TMPRSS15: variants seen among roughly 807,000 people sequenced by gnomAD.
TMPRSS15 encodes enteropeptidase.
A neutral mutation model predicts 125.3 loss-of-function variants in TMPRSS15; 128 were observed. The ratio of observed to expected loss-of-function variants is 1.02; its 90% CI spans 0.89 to 1.18. The LOEUF (loss-of-function observed/expected upper bound fraction) is 1.18, where lower values mean the gene tolerates loss of function less well. Among genes scored for constraint, TMPRSS15 ranks in the 50% most tolerant of loss-of-function variants. The pLI is 0.00. For missense variants in TMPRSS15, 1,283 were observed against 1,212.7 expected (o/e 1.06, Z -0.86); for synonymous variants, 446 against 423.2 (o/e 1.05, Z -0.66).
At position 18,451,595 on chromosome 21, in the gene TMPRSS15, G is replaced by A. The variant is rs188810617; in HGVS notation, c.10+34204C>T. Among the ~76,000 whole-genome samples, 8 of 152,258 alleles carry A rather than the reference G, an allele frequency of 5.3e-5. No individual in the cohort carries two copies. The East Asian group carries it at 1.5e-3, about 29-fold the overall frequency. On this transcript the variant is annotated intron_variant, in intron 1 of 7. Transcript: ENST00000422787. ...ATAGAAGGGCAGAAGAGCCCTGTGT[G>A]CTTACATGAGCTCTGGTTTGTCTTT... is the stretch of plus-strand genomic sequence containing the variant.
At chr21:18,363,629 A>G (rs562844883) in intron 7 of TMPRSS15, among the ~76,000 whole-genome samples, 2 of 152,286 alleles carry the variant, frequency 1.3e-5, no homozygotes, top group Non-Finnish European at 2.9e-5. Flanking sequence ...GACATTTTAA[A>G]TAAGTGCTAG....
intron 8 of TMPRSS15, among the ~76,000 whole-genome samples, 198 bp from the exon 9 acceptor site, chr21:18,354,061 C>T (rs2075600605): frequency 6.6e-6 from 1 of 151,574 alleles, no homozygotes; most frequent in Non-Finnish European, 1.5e-5. Context: ...CATTAGAAAG[C>T]CTCAAATTAT....
chr21:18,472,689 C>T (rs1293364142), intron 1 of TMPRSS15, among the ~76,000 whole-genome samples: 2 of 151,592 alleles, frequency 1.3e-5, no homozygotes, highest in Non-Finnish European at 2.9e-5. Context: ...GAAATATTTG[C>T]CCGGTGATGC....
intron 1 of TMPRSS15, among the ~76,000 whole-genome samples, chr21:18,455,429 C>T (rs754588770): frequency 7.2e-5 from 11 of 152,006 alleles, no homozygotes; most frequent in Non-Finnish European, 1.3e-4. Flanking sequence ...GGTATTTTTT[C>T]ATCAACATTA....
chr21:18,336,008 A>G (rs1395629559), intron 13 of TMPRSS15, among the ~76,000 whole-genome samples: 6 of 151,258 alleles, frequency 4.0e-5, no homozygotes, highest in Non-Finnish European at 7.4e-5. Flanking sequence ...TACTATGCCA[A>G]TAGGGATTTC....
At chr21:18,396,366 A>G (rs2076035873) in intron 3 of TMPRSS15, among the ~76,000 whole-genome samples, 1 of 151,666 alleles carries the variant, frequency 6.6e-6, no homozygotes, top group African/African-American at 2.4e-5. Flanking sequence ...ATTCCCCAAC[A>G]CCTACTAGCT....
At chr21:18,409,148 T>A (rs2076159502) in intron 1 of TMPRSS15, among the ~76,000 whole-genome samples, 1 of 151,982 alleles carries the variant, frequency 6.6e-6, no homozygotes, top group Admixed American at 6.6e-5. Flanking sequence ...AAGATTTTTT[T>A]AATAGTGTGT....
At chr21:18,406,090 A>T (rs1388915874), upstream of TMPRSS15, among the ~76,000 whole-genome samples, 1 of 152,146 alleles carries the variant, frequency 6.6e-6, no homozygotes, top group Admixed American at 6.6e-5. Flanking sequence ...CAGTCCAGAA[A>T]ACCTCCATGA....
intron 1 of TMPRSS15, among the ~76,000 whole-genome samples, chr21:18,416,039 T>G (rs2076179232): frequency 6.6e-6 from 1 of 151,934 alleles, no homozygotes. Context: ...TAAAAAACAA[T>G]TCCATTTACA....
At chr21:18,294,835 T>C (rs145516693) in intron 19 of TMPRSS15, among the ~76,000 whole-genome samples, 183 bp from the exon 20 acceptor site, 2 of 152,298 alleles carry the variant, frequency 1.3e-5, no homozygotes, top group Non-Finnish European at 2.9e-5. Flanking sequence ...AGAGGTGAGT[T>C]TGCATCCTTA....
intron 16 of TMPRSS15, among the ~76,000 whole-genome samples, chr21:18,317,621 C>T (rs1170901229): frequency 6.6e-6 from 1 of 152,020 alleles, no homozygotes; most frequent in Non-Finnish European, 1.5e-5. Context: ...AGTGTAAGGG[C>T]TTTCAGATTT....
At chr21:18,396,618 C>T (rs559507101) in intron 3 of TMPRSS15, among the ~76,000 whole-genome samples, 86 of 151,784 alleles carry the variant, frequency 5.7e-4, no homozygotes, top group Non-Finnish European at 1.0e-3. Context: ...ACTAAAAATA[C>T]AAAAAATTAG....
At chr21:18,465,756 A>G (rs940652996) in intron 1 of TMPRSS15, among the ~76,000 whole-genome samples, 5 of 152,328 alleles carry the variant, frequency 3.3e-5, no homozygotes, top group African/African-American at 1.2e-4. Flanking sequence ...TTAAGGAAAT[A>G]AGAGAGGACA....
intron 1 of TMPRSS15, among the ~76,000 whole-genome samples, chr21:18,400,418 T>G (rs1245145263): frequency 1.3e-5 from 2 of 151,924 alleles, no homozygotes; most frequent in African/African-American, 4.8e-5. Context: ...CACAGTAAAG[T>G]AAAGCTACAC....
Position 18,326,495 on chromosome 21 carries a change from C to A in TMPRSS15, c.1858G>T (p.Asp620Tyr). ...NRMTVLLITN[D>Y]VLARGGFKAN... Reference sequence around the variant, plus strand: ...TTAAACCCTCCTCTTGCCAACACATCGTTAGTGATGAGAAGCACAGTCATT... The same window carrying A: ...TTAAACCCTCCTCTTGCCAACACATAGTTAGTGATGAGAAGCACAGTCATT... Residue 620 changes from aspartate to tyrosine, a missense_variant, in exon 16 of 25, where the codon GAT (aspartate) becomes TAT (tyrosine). Transcript: ENST00000284885. 6.2e-7 allele frequency: 1 copy of A among 1,614,130 alleles called. No homozygotes were observed. Among genetic ancestry groups the A allele is most frequent in the Non-Finnish European group, 8.5e-7 (1 of 1,179,990 alleles).
chr21:18,277,900 A>G (rs1038941539), intron 23 of TMPRSS15, among the ~76,000 whole-genome samples: 1 of 152,332 alleles, frequency 6.6e-6, no homozygotes, highest in South Asian at 2.1e-4. Context: ...TAGAAATTCC[A>G]CAGCCAATGA....
chr21:18,389,671 G>T (rs943706399), intron 3 of TMPRSS15, among the ~76,000 whole-genome samples: 3 of 152,058 alleles, frequency 2.0e-5, no homozygotes, highest in African/African-American at 7.2e-5. Context: ...AGATGGGAAG[G>T]CACTGAGGTT....
intron 1 of TMPRSS15, among the ~76,000 whole-genome samples, chr21:18,421,040 G>A (rs2076191114): frequency 6.7e-6 from 1 of 149,020 alleles, no homozygotes; most frequent in Non-Finnish European, 1.5e-5. Context: ...GGGAGAGCTT[G>A]GAGAAACTAA....
rs933757511 is a variant in TMPRSS15, at chr21:18,439,315, CAGAG to C, written c.11-40990_11-40987del. On this transcript the variant is annotated intron_variant, in intron 1 of 7. Transcript: ENST00000422787. Reference sequence around the variant, plus strand: ...TATAATTGATGGAAAAACTGTAGCACAGAGAGTTTAAAAGATTTACCCAGAGATA... The same window carrying C: ...TATAATTGATGGAAAAACTGTAGCACAGTTTAAAAGATTTACCCAGAGATA... Among the ~76,000 whole-genome samples the C allele has an allele frequency of 7.2e-5, 11 of 152,038 alleles. 1 individual carries two copies. Among genetic ancestry groups the C allele is most frequent in the Admixed American group, 2.0e-4 (3 of 15,202 alleles).
Sources: gnomAD v4.1 joint callset for allele counts (sites outside exome capture counted in the v4.1 genomes callset) on GRCh38, gnomAD v4.1.1 for gene constraint, MANE v1.5 for transcripts, NCBI Gene and HGNC (gene_info 2026-07-23, HGNC 2026-07-21) for gene names.